Variants in SPAG16 observed in about 807,000 individuals in gnomAD.
SPAG16 encodes sperm-associated antigen 16 protein.
SPAG16 carries 86 observed loss-of-function variants against 80.4 expected under a neutral mutation model. The ratio of observed to expected loss-of-function variants is 1.07; its 90% confidence interval spans 0.90 to 1.28. The LOEUF (loss-of-function observed/expected upper bound fraction) is 1.28. Among genes scored for constraint, SPAG16 ranks in the 50% most tolerant of loss-of-function variants. SPAG16 has a pLI of 0.00. For synonymous variants in SPAG16, 294 were observed against 265.9 expected (o/e 1.11, Z -1.03); for missense variants, 870 against 765.3 (o/e 1.14, Z -1.61).
At chr2:214,067,914 A>T (rs1363940374) in intron 13 of SPAG16, among the ~76,000 whole-genome samples, 1 of 152,182 alleles carries the variant, frequency 6.6e-6, no homozygotes, top group African/African-American at 2.4e-5. Context: ...GATTAGAGAC[A>T]TAAAAACTAT....
chr2:213,303,678 G>C (rs1182908000), intron 3 of SPAG16, among the ~76,000 whole-genome samples: 2 of 151,954 alleles, frequency 1.3e-5, no homozygotes, highest in Non-Finnish European at 2.9e-5. Flanking sequence ...ATGATGTCCA[G>C]GCCCATCCAT....
At chr2:213,506,340 C>A (rs2074967234) in intron 10 of SPAG16, among the ~76,000 whole-genome samples, 1 of 151,918 alleles carries the variant, frequency 6.6e-6, no homozygotes, top group Admixed American at 6.6e-5. Context: ...CAGGAATATT[C>A]CATTAATCAT....
chr2:213,648,847 G>A (rs1574643131), intron 10 of SPAG16, among the ~76,000 whole-genome samples: 1 of 152,072 alleles, frequency 6.6e-6, no homozygotes, highest in East Asian at 1.9e-4. Context: ...AATAGGATTG[G>A]GCATTCTGGT....
intron 5 of SPAG16, among the ~76,000 whole-genome samples, chr2:213,321,656 G>T (rs2063612966): frequency 6.6e-6 from 1 of 152,094 alleles, no homozygotes; most frequent in Non-Finnish European, 1.5e-5. Context: ...GCAGGGAATT[G>T]TCATTTTCTC....
chr2:214,229,474 A>G lies in SPAG16; in HGVS notation c.1720+80208A>G, dbSNP rs1688538219. The stretch of plus-strand genomic sequence containing the variant: ...GGGCTATTGTCTGTATATTATATTT[A>G]TATGTATGTGTATATATATTTATAT... On this transcript the variant is annotated intron_variant, in intron 15 of 15. Coordinates refer to ENST00000331683, the MANE Select transcript of SPAG16 (RefSeq NM_024532.5). 2.0e-5 allele frequency among the ~76,000 whole-genome samples: 3 copies of G among 151,684 alleles called. No individual in the cohort carries two copies. In the South Asian group the frequency reaches 6.2e-4, roughly 31 times the overall value.
chr2:214,289,881 A>T lies in SPAG16; in HGVS notation c.1721-120259A>T, dbSNP rs145666622. ...GCCTGGGATACTGAACTGTAGTTTT[A>T]GTTTGTTGTTGTGTCTTTGTCTGGT... is the stretch of plus-strand genomic sequence containing the variant. On this transcript the variant is annotated intron_variant, in intron 15 of 15. Transcript: ENST00000331683. Among the ~76,000 whole-genome samples the T allele has an allele frequency of 6.3e-3, 957 of 152,192 alleles. 6 individuals carry two copies. The highest frequency in any genetic ancestry group is 0.022 in the African/African-American group (896 of 41,522).
intron 10 of SPAG16, among the ~76,000 whole-genome samples, chr2:213,703,018 G>A (rs2065558484): frequency 6.6e-6 from 1 of 152,126 alleles, no homozygotes; most frequent in Non-Finnish European, 1.5e-5. Flanking sequence ...CATGTGATAT[G>A]GTCCATGAAA....
Position 213,340,271 on chromosome 2 carries a change from G to C in SPAG16, c.644+1G>C. The C allele has an allele frequency of 7.0e-6, 11 of 1,560,742 alleles. No individual in the cohort carries two copies. The highest frequency in any genetic ancestry group is 9.7e-6 in the Non-Finnish European group (11 of 1,134,674). ...ACAAATTAATTAATGACCTCAAAGG[G>C]TAAGCTTATACTTGTTGGCATATTT... On this transcript the variant is annotated splice_donor_variant, in intron 6 of 15. Transcript: ENST00000331683. LOFTEE classifies it high-confidence loss of function.
intron 10 of SPAG16, among the ~76,000 whole-genome samples, chr2:213,840,190 T>C (rs973866070): frequency 6.6e-6 from 1 of 152,216 alleles, no homozygotes; most frequent in African/African-American, 2.4e-5. Flanking sequence ...GAATTTGTAT[T>C]TTTAATCGTT....
At chr2:213,724,378 A>T (rs2066659536) in intron 10 of SPAG16, among the ~76,000 whole-genome samples, 1 of 152,208 alleles carries the variant, frequency 6.6e-6, no homozygotes, top group South Asian at 2.1e-4. Context: ...GAAGAAAGAT[A>T]AGACTAAAAT....
At position 214,256,245 on chromosome 2, in the gene SPAG16, T is replaced by C. The variant is rs1231832707; in HGVS notation, c.1720+106979T>C. 3.3e-5 allele frequency among the ~76,000 whole-genome samples: 5 copies of C among 152,060 alleles called. No homozygotes were observed. The East Asian group carries it at 9.7e-4, about 29-fold the overall frequency. On this transcript the variant is annotated intron_variant, in intron 15 of 15. Coordinates refer to ENST00000331683, the MANE Select transcript of SPAG16 (RefSeq NM_024532.5). ...TGCACGTATTGGCCATTCATACACCTTTTTTAATGATGAACCTACTCAATA... is the reference window on the plus strand; with the variant it reads ...TGCACGTATTGGCCATTCATACACCCTTTTTAATGATGAACCTACTCAATA...
intron 2 of SPAG16, among the ~76,000 whole-genome samples, chr2:213,296,420 C>T (rs1027107338): frequency 1.3e-5 from 2 of 152,174 alleles, no homozygotes; most frequent in Admixed American, 1.3e-4. Context: ...CACTTCCTTC[C>T]TGTCATCCAG....
chr2:214,254,793 A>G (rs1269484537), intron 15 of SPAG16, among the ~76,000 whole-genome samples: 1 of 152,032 alleles, frequency 6.6e-6, no homozygotes, highest in Non-Finnish European at 1.5e-5. Flanking sequence ...AGTTGGGGGA[A>G]AACTCATTTT....
intron 15 of SPAG16, among the ~76,000 whole-genome samples, chr2:214,327,919 C>A (rs1277677058): frequency 6.6e-6 from 1 of 152,126 alleles, no homozygotes; most frequent in Non-Finnish European, 1.5e-5. Flanking sequence ...AGTCACTTAT[C>A]TAATTGATAC....
rs150282509 is a variant in SPAG16, at chr2:214,149,194, C to T, written c.1648C>T (p.Arg550Trp). 174 of 1,597,458 alleles carry T rather than the reference C, an allele frequency of 1.1e-4. No homozygotes were observed. The highest frequency in any genetic ancestry group is 1.3e-4 in the Non-Finnish European group (158 of 1,171,794). The stretch of plus-strand genomic sequence containing the variant: ...TGGGGTTACAAAGCTGTGGGACTTT[C>T]GGAAGCTGTTACCAATTGTGTCCAT... Reference protein sequence around the residue: ...ACGVTKLWDFRKLLPIVSIDI... With the variant: ...ACGVTKLWDFWKLLPIVSIDI... The change falls in exon 15 of 16, where the codon CGG (arginine) becomes TGG (tryptophan). Residue 550 changes from arginine (R) to tryptophan (W), a missense_variant. Physicochemically the swap from Arg to Trp is moderately radical, Grantham distance 101. Coordinates refer to ENST00000331683, the MANE Select transcript of SPAG16 (RefSeq NM_024532.5).
In SPAG16 at chr2:213,809,643, T is replaced by A. The variant is rs1457091866; in HGVS notation, c.1071-52842T>A. The stretch of plus-strand genomic sequence containing the variant: ...TACTTGCTGAGAATGGGAGAGGTTG[T>A]GTGGGAATATTGTGGAAGTTTAAAA... On this transcript the variant is annotated intron_variant, in intron 10 of 15. Coordinates refer to ENST00000331683, the MANE Select transcript of SPAG16 (RefSeq NM_024532.5). 2.0e-5 allele frequency among the ~76,000 whole-genome samples: 3 copies of A among 152,126 alleles called. No individual in the cohort carries two copies. The East Asian group carries it at 5.8e-4, about 29-fold the overall frequency.
chr2:214,059,486 C>A (rs10181374), intron 13 of SPAG16, among the ~76,000 whole-genome samples: 1,718 of 151,504 alleles, frequency 0.011, 43 homozygotes, highest in African/African-American at 0.039. Flanking sequence ...TAAGTTATTT[C>A]TTCCATGTGA....
chr2:214,366,538 A>G (rs1198639648), intron 15 of SPAG16, among the ~76,000 whole-genome samples: 5 of 152,226 alleles, frequency 3.3e-5, no homozygotes. Flanking sequence ...GATTATATCC[A>G]TTTATAATCC....
intron 9 of SPAG16, among the ~76,000 whole-genome samples, chr2:213,417,316 G>A (rs2069317784): frequency 6.6e-6 from 1 of 152,108 alleles, no homozygotes; most frequent in Admixed American, 6.5e-5. Flanking sequence ...ATGTTATCAG[G>A]GCTTTTGCAA....
Sources: gnomAD v4.1 joint callset for allele counts (sites outside exome capture counted in the v4.1 genomes callset) on GRCh38, gnomAD v4.1.1 for gene constraint, MANE v1.5 for transcripts, NCBI Gene and HGNC (gene_info 2026-07-23, HGNC 2026-07-21) for gene names.